Variants in PLPPR1 observed in about 807,000 individuals in gnomAD.
PLPPR1 encodes phospholipid phosphatase-related protein type 1.
A neutral mutation model predicts 33.1 loss-of-function variants in PLPPR1; 10 were observed. The observed-to-expected ratio is 0.30, with a 90% CI of 0.19 to 0.51. The LOEUF (loss-of-function observed/expected upper bound fraction) is 0.51, where lower values mean the gene tolerates loss of function less well. PLPPR1 is among the 20% of genes least tolerant of loss of function. The pLI, the probability that PLPPR1 is intolerant of heterozygous loss-of-function variation, is 0.97. For synonymous variants in PLPPR1, 151 were observed against 151.0 expected (o/e 1.00, Z 0.00); for missense variants, 304 against 408.1 (o/e 0.74, Z 2.20).
intron 1 of PLPPR1, among the ~76,000 whole-genome samples, chr9:101,136,522 A>G (rs1178612170): frequency 1.3e-5 from 2 of 152,146 alleles, no homozygotes; most frequent in Admixed American, 6.6e-5. Flanking sequence ...TGAAGCTTCC[A>G]ATTTCTCTAC....
In PLPPR1 at chr9:101,112,678, G is replaced by A. The variant is rs1831071373; in HGVS notation, c.-45-72772G>A. Among the ~76,000 whole-genome samples, 4 of 152,182 alleles carry A rather than the reference G, an allele frequency of 2.6e-5. No homozygotes were observed. The South Asian group carries it at 8.3e-4, about 32-fold the overall frequency. ...TCCGTATGGTGCTTCACACTTTGGG[G>A]AAATGTGGGAATGAGGAATGCTGAG... On this transcript the variant is annotated intron_variant, in intron 1 of 7. Coordinates refer to ENST00000374874, the MANE Select transcript of PLPPR1 (RefSeq NM_207299.2).
At chr9:101,262,141 C>T (rs1174803521) in intron 2 of PLPPR1, among the ~76,000 whole-genome samples, 1 of 152,152 alleles carries the variant, frequency 6.6e-6, no homozygotes, top group African/African-American at 2.4e-5. Flanking sequence ...ATCTACTCTT[C>T]TAGGAAACTA....
intron 2 of PLPPR1, among the ~76,000 whole-genome samples, chr9:101,218,574 G>A (rs920780102): frequency 6.6e-6 from 1 of 152,106 alleles, no homozygotes; most frequent in Admixed American, 6.5e-5. Context: ...AAAATATATA[G>A]GGCATAGTGC....
chr9:101,273,433 T>C (rs539018407), intron 3 of PLPPR1, among the ~76,000 whole-genome samples: 6 of 152,210 alleles, frequency 3.9e-5, no homozygotes, highest in Non-Finnish European at 8.8e-5. Flanking sequence ...GCCAGGGTAA[T>C]TCCTGCATCC....
intron 1 of PLPPR1, among the ~76,000 whole-genome samples, chr9:101,146,069 T>C (rs1455807480): frequency 6.6e-6 from 1 of 152,132 alleles, no homozygotes; most frequent in Non-Finnish European, 1.5e-5. Flanking sequence ...TCCCTCATTC[T>C]ACTATTTAGA....
rs536326786 is a variant in PLPPR1 at position 101,070,100 on chromosome 9, T to A, written c.-46+40998T>A. 4.7e-4 allele frequency among the ~76,000 whole-genome samples: 71 copies of A among 152,244 alleles called. 1 individual carries two copies. Among genetic ancestry groups the A allele is most frequent in the Non-Finnish European group, 9.1e-4 (62 of 68,000 alleles). On this transcript the variant is annotated intron_variant, in intron 1 of 7. Transcript: ENST00000374874. Reference sequence around the variant, plus strand: ...CACTGTAGCAAATTACTTTTGTCCCTACCCCCTTCCGTACTTTGGAAGGAA... The same window carrying A: ...CACTGTAGCAAATTACTTTTGTCCCAACCCCCTTCCGTACTTTGGAAGGAA...
chr9:101,137,416 G>A (rs1007981915), intron 1 of PLPPR1, among the ~76,000 whole-genome samples: 1 of 152,190 alleles, frequency 6.6e-6, no homozygotes, highest in Non-Finnish European at 1.5e-5. Context: ...GGAATCGATG[G>A]AAGAAGGAAA....
intron 2 of PLPPR1, among the ~76,000 whole-genome samples, chr9:101,266,023 C>G (rs1827986421): frequency 1.3e-5 from 2 of 151,762 alleles, no homozygotes; most frequent in African/African-American, 4.8e-5. Context: ...GGAGAATGTT[C>G]AATAGAAAAT....
At chr9:101,034,069 C>T (rs771251820) in intron 1 of PLPPR1, among the ~76,000 whole-genome samples, 3 of 151,854 alleles carry the variant, frequency 2.0e-5, no homozygotes, top group African/African-American at 4.8e-5. Context: ...ACGTGCAATG[C>T]GTAACTATCA....
At chr9:101,099,169 T>C (rs1034529433) in intron 1 of PLPPR1, among the ~76,000 whole-genome samples, 19 of 152,124 alleles carry the variant, frequency 1.2e-4, no homozygotes, top group African/African-American at 4.3e-4. Flanking sequence ...AGACAAGCCA[T>C]GTAAAGTGCT....
At chr9:101,067,435 T>C (rs1588014524) in intron 1 of PLPPR1, among the ~76,000 whole-genome samples, 1 of 152,106 alleles carries the variant, frequency 6.6e-6, no homozygotes, top group Admixed American at 6.6e-5. Context: ...AATATTGTAT[T>C]GAATAGGATG....
intron 1 of PLPPR1, among the ~76,000 whole-genome samples, chr9:101,143,661 C>A (rs2118636476): frequency 6.6e-6 from 1 of 152,234 alleles, no homozygotes; most frequent in East Asian, 1.9e-4. Context: ...TTTACGCAGC[C>A]AACAGACACA....
At chr9:101,176,090 GACC>G (rs1335265053) in intron 1 of PLPPR1, among the ~76,000 whole-genome samples, 3 of 152,262 alleles carry the variant, frequency 2.0e-5, no homozygotes, top group Middle Eastern at 3.4e-3. Flanking sequence ...GACAAATAAT[GACC>G]CAAGGAAAGC....
intron 2 of PLPPR1, among the ~76,000 whole-genome samples, chr9:101,213,467 A>T (rs1423989628): frequency 6.6e-6 from 1 of 152,220 alleles, no homozygotes; most frequent in Non-Finnish European, 1.5e-5. Flanking sequence ...GTGCAGAAGC[A>T]TATAAAATTT....
At chr9:101,318,545 G>T (rs1441723487) in intron 7 of PLPPR1, among the ~76,000 whole-genome samples, 1 of 152,184 alleles carries the variant, frequency 6.6e-6, no homozygotes, top group Non-Finnish European at 1.5e-5. Context: ...GCCAAGGCAG[G>T]TGAATTGCTT....
At chr9:101,124,149 G>A (rs565715461) in intron 1 of PLPPR1, among the ~76,000 whole-genome samples, 3 of 152,110 alleles carry the variant, frequency 2.0e-5, no homozygotes, top group Admixed American at 6.6e-5. Context: ...TTTAATTGCC[G>A]GTTGGTGATC....
chr9:101,100,172 G>T (rs1242841719), intron 1 of PLPPR1, among the ~76,000 whole-genome samples: 2 of 151,946 alleles, frequency 1.3e-5, no homozygotes, highest in East Asian at 3.9e-4. Context: ...GTTAATATGG[G>T]TCCCTAACTA....
intron 1 of PLPPR1, among the ~76,000 whole-genome samples, chr9:101,052,757 CA>C (rs1202229793): frequency 7.9e-5 from 12 of 152,168 alleles, no homozygotes; most frequent in African/African-American, 2.9e-4. Context: ...AGCCCAGTTT[CA>C]GGGGGTAGAA....
intron 1 of PLPPR1, among the ~76,000 whole-genome samples, chr9:101,155,888 C>G (rs1171493185): frequency 6.6e-6 from 1 of 152,218 alleles, no homozygotes; most frequent in African/African-American, 2.4e-5. Flanking sequence ...GCATGAGCCA[C>G]TGGCTGGGCC....
Sources: gnomAD v4.1 joint callset for allele counts (sites outside exome capture counted in the v4.1 genomes callset) on GRCh38, gnomAD v4.1.1 for gene constraint, MANE v1.5 for transcripts, NCBI Gene and HGNC (gene_info 2026-07-23, HGNC 2026-07-21) for gene names.